The following GLG1 variants were observed in gnomAD, a reference collection of about 807,000 sequenced individuals.
GLG1 encodes Golgi apparatus protein 1.
GLG1 carries 38 observed loss-of-function variants against 160.5 expected under a neutral mutation model. The observed-to-expected ratio is 0.24, with a 90% CI of 0.18 to 0.31. The LOEUF (loss-of-function observed/expected upper bound fraction) is 0.31, where lower values mean the gene tolerates loss of function less well. GLG1 is among the 10% of genes least tolerant of loss of function. The pLI is 1.00. For missense variants in GLG1, 1,373 were observed against 1,505.2 expected, an observed-to-expected ratio of 0.91 and a Z score of 1.45; for synonymous variants, 644 against 543.4, an observed-to-expected ratio of 1.19 and a Z score of -2.57.
intron 1 of GLG1, among the ~76,000 whole-genome samples, chr16:74,532,706 T>C (rs1049120380): frequency 3.9e-5 from 6 of 152,000 alleles, no homozygotes; most frequent in African/African-American, 1.5e-4. Context: ...TTTGGTATTA[T>C]TTATAGAGAC....
At chr16:74,478,907 A>G (rs28617267) in intron 11 of GLG1, among the ~76,000 whole-genome samples, 1 of 112,354 alleles carries the variant, frequency 8.9e-6, no homozygotes, top group African/African-American at 3.1e-5. Context: ...AAAAAAAAAA[A>G]AGGGGGGGGT....
intron 1 of GLG1, among the ~76,000 whole-genome samples, chr16:74,598,182 C>T (rs1026808308): frequency 2.0e-5 from 3 of 152,168 alleles, no homozygotes; most frequent in African/African-American, 7.2e-5. Context: ...TATACTTGAA[C>T]ACTGAGCAGT....
At chr16:74,581,346 A>G (rs907991790) in intron 1 of GLG1, among the ~76,000 whole-genome samples, 10 of 152,156 alleles carry the variant, frequency 6.6e-5, no homozygotes, top group African/African-American at 2.4e-4. Context: ...ACATGCCGCA[A>G]CATGGATGAA....
At chr16:74,472,866 A>G (rs1000791124) in intron 13 of GLG1, 5 of 296,876 alleles carry the variant, frequency 1.7e-5, no homozygotes, top group Non-Finnish European at 2.7e-5. Context: ...ATGCCTTTAA[A>G]GAGAGAAACC....
In GLG1 at chr16:74,447,655, A is replaced by G. The variant is rs992094462; in HGVS notation, c.*5512T>C. On this transcript the variant is annotated 3_prime_UTR_variant, in exon 26 of 26. Transcript: ENST00000422840. ...TTTCTTTCAAAAACAAAACAAAACA[A>G]AAAAAGTGAAAAGCCTAAGATCTCA... is the stretch of plus-strand genomic sequence containing the variant. 2.6e-5 allele frequency: 4 copies of G among 152,248 alleles called. No homozygotes were observed. Among genetic ancestry groups the G allele is most frequent in the Non-Finnish European group, 5.9e-5 (4 of 68,044 alleles). The allele number at this position is 152,248 out of a possible 1,614,324, so 9.4% of individuals were successfully genotyped here.
intron 1 of GLG1, among the ~76,000 whole-genome samples, chr16:74,573,332 T>C (rs551004342): frequency 8.5e-5 from 13 of 152,212 alleles, no homozygotes; most frequent in Non-Finnish European, 1.8e-4. Flanking sequence ...TGGGTAAATA[T>C]ATTTTTTTTA....
Position 74,511,565 on chromosome 16 carries a change from T to C in GLG1, c.472-2640A>G, listed in dbSNP as rs1597289220. ...TACTCTGGAGGCTGAGGCAGGAGAA[T>C]AACTTGAACCTTTTTTTTTTAAAAA... On this transcript the variant is annotated intron_variant, in intron 2 of 25. Coordinates refer to ENST00000422840, the MANE Select transcript of GLG1 (RefSeq NM_001145667.2). Among the ~76,000 whole-genome samples, 6 of 91,530 alleles carry C rather than the reference T, an allele frequency of 6.6e-5. No homozygotes were observed. The South Asian group carries it at 2.1e-3, about 32-fold the overall frequency. The allele number at this position is 91,530 out of a possible 152,430, so 60.0% of individuals were successfully genotyped here. A position where few individuals can be genotyped will look rare whatever the true frequency, so the allele number is the denominator to read the frequency against.
At chr16:74,522,082 A>G (rs919592319) in intron 2 of GLG1, among the ~76,000 whole-genome samples, 1 of 152,252 alleles carries the variant, frequency 6.6e-6, no homozygotes, top group African/African-American at 2.4e-5. Context: ...CATTTTAATT[A>G]TAAACAATGC....
chr16:74,568,483 T>C (rs2018724195), intron 1 of GLG1, among the ~76,000 whole-genome samples: 1 of 151,478 alleles, frequency 6.6e-6, no homozygotes, highest in Non-Finnish European at 1.5e-5. Context: ...AATGGCATGA[T>C]CTCGGCTCAC....
At chr16:74,564,359 T>C (rs900938756) in intron 1 of GLG1, among the ~76,000 whole-genome samples, 1 of 152,242 alleles carries the variant, frequency 6.6e-6, no homozygotes, top group Non-Finnish European at 1.5e-5. Flanking sequence ...TTGATTTTAG[T>C]TGGTTTGGTT....
At position 74,465,735 on chromosome 16, in the gene GLG1, C is replaced by G; in HGVS notation, c.2608G>C (p.Glu870Gln). 2 of 1,613,776 alleles carry G rather than the reference C, an allele frequency of 1.2e-6. No homozygotes were observed. The highest frequency in any genetic ancestry group is 1.7e-6 in the Non-Finnish European group (2 of 1,179,690). ...HQKVFKLQET[E>Q]MMDPELDYTL... ...TAGTCTAGCTCTGGGTCCATCATCT[C>G]TGTCTCCTGCAGCTTAAATACTTTT... The change falls in exon 19 of 26, where the codon GAG (glutamate) becomes CAG (glutamine). Residue 870 changes from glutamate to glutamine, a missense_variant. Coordinates refer to ENST00000422840, the MANE Select transcript of GLG1 (RefSeq NM_001145667.2).
chr16:74,509,369 A>C (rs750697166), intron 2 of GLG1, among the ~76,000 whole-genome samples: 75 of 152,154 alleles, frequency 4.9e-4, no homozygotes, highest in Middle Eastern at 3.4e-3. Context: ...TAAGGTTTTC[A>C]AGGAAAATAT....
intron 9 of GLG1, among the ~76,000 whole-genome samples, chr16:74,484,094 GC>G (rs1003467634): frequency 7.3e-5 from 11 of 151,614 alleles, no homozygotes; most frequent in Non-Finnish European, 1.5e-4. Context: ...CCCCCTCTTT[GC>G]TTGATGTGGT....
chr16:74,574,158 C>A (rs957650945), intron 1 of GLG1, among the ~76,000 whole-genome samples: 9 of 152,176 alleles, frequency 5.9e-5, no homozygotes, highest in African/African-American at 2.2e-4. Context: ...AGCTTCTCAG[C>A]CTTTGGTGAA....
At chr16:74,584,255 G>C (rs547350930) in intron 1 of GLG1, among the ~76,000 whole-genome samples, 73 of 152,238 alleles carry the variant, frequency 4.8e-4, no homozygotes, top group South Asian at 8.3e-4. Flanking sequence ...AGCTGCTCAG[G>C]ACCCTTCCCA....
intron 22 of GLG1, 103 bp downstream of exon 22, chr16:74,461,991 C>T: frequency 1.5e-6 from 1 of 654,230 alleles, no homozygotes; most frequent in South Asian, 1.8e-5. Context: ...CTTCAATTCA[C>T]CAGATCATTC....
At chr16:74,495,991 A>C (rs942253839) in intron 5 of GLG1, among the ~76,000 whole-genome samples, 3 of 152,148 alleles carry the variant, frequency 2.0e-5, no homozygotes, top group Non-Finnish European at 4.4e-5. Context: ...TATTTAAGTC[A>C]CAGTGGCTCG....
chr16:74,507,458 C>T (rs1009841460), intron 3 of GLG1, among the ~76,000 whole-genome samples: 6 of 152,032 alleles, frequency 3.9e-5, no homozygotes, highest in African/African-American at 1.4e-4. Flanking sequence ...TACTTATGGC[C>T]GGGCACGGTG....
At chr16:74,576,299 T>A (rs954022175) in intron 1 of GLG1, among the ~76,000 whole-genome samples, 5 of 152,250 alleles carry the variant, frequency 3.3e-5, no homozygotes, top group African/African-American at 1.2e-4. Context: ...ACTGACAAAT[T>A]CCGTGAATTT....
Sources: gnomAD v4.1 joint callset for allele counts (sites outside exome capture counted in the v4.1 genomes callset) on GRCh38, gnomAD v4.1.1 for gene constraint, MANE v1.5 for transcripts, NCBI Gene and HGNC (gene_info 2026-07-23, HGNC 2026-07-21) for gene names.